The following PTK2 variants were observed in gnomAD, a reference collection of about 807,000 sequenced individuals.
The protein encoded by PTK2 is protein tyrosine kinase 2, also known as focal adhesion kinase 1.
Under a neutral mutation model 150.1 loss-of-function variants are expected in PTK2, and 45 were observed. The observed-to-expected ratio is 0.30, with a 90% CI of 0.24 to 0.38. The LOEUF (loss-of-function observed/expected upper bound fraction) is 0.38, where lower values mean the gene tolerates loss of function less well. Ranked by LOEUF, PTK2 falls within the 10% of genes least tolerant of loss-of-function variation. PTK2 has a pLI of 1.00. For missense variants in PTK2, 919 were observed against 1,307.3 expected, an observed-to-expected ratio of 0.70 and a Z score of 4.58; for synonymous variants, 432 against 449.2, an observed-to-expected ratio of 0.96 and a Z score of 0.48.
intron 1 of PTK2, among the ~76,000 whole-genome samples, chr8:141,000,127 C>CACACACACACACAA (rs58481152): frequency 5.7e-5 from 7 of 123,844 alleles, no homozygotes; most frequent in African/African-American, 2.0e-4. Flanking sequence ...ACACACACAC[C>CACACACACACACAA]CCTTCTTCTA....
intron 22 of PTK2, among the ~76,000 whole-genome samples, chr8:140,723,141 T>C (rs1025747470): frequency 2.0e-5 from 3 of 152,250 alleles, no homozygotes; most frequent in Non-Finnish European, 4.4e-5. Flanking sequence ...ACTGCCTGAA[T>C]GTTTCATTTC....
rs1474448055 is a variant in PTK2, at chr8:140,856,432, TAAATACACTACG to T, written c.450+7868_450+7879del. Among the ~76,000 whole-genome samples the T allele has an allele frequency of 2.7e-4, 41 of 152,274 alleles. 2 individuals are homozygous for T. Among genetic ancestry groups the T allele is most frequent in the African/African-American group, 9.6e-4 (40 of 41,550 alleles). ...AGATGTTCATCAACAGAAAAATGGA[TAAATACACTACG>T]ATATATTTATATAACAGAATACTAC... On this transcript the variant is annotated intron_variant, in intron 5 of 31. Transcript: ENST00000522684.
intron 2 of PTK2, among the ~76,000 whole-genome samples, chr8:140,895,632 T>C (rs1197420661): frequency 7.3e-5 from 11 of 151,626 alleles, no homozygotes; most frequent in South Asian, 2.1e-4. Context: ...CACAGAAAAA[T>C]AGAATGCGTA....
At chr8:140,689,437 G>A (rs754406218) in intron 26 of PTK2, among the ~76,000 whole-genome samples, 10 of 152,236 alleles carry the variant, frequency 6.6e-5, no homozygotes, top group Non-Finnish European at 1.2e-4. Context: ...GGAAACTCAA[G>A]AGATGTGATA....
chr8:140,990,284 G>C (rs1005616694), intron 1 of PTK2, among the ~76,000 whole-genome samples: 1 of 151,356 alleles, frequency 6.6e-6, no homozygotes, highest in Admixed American at 6.6e-5. Flanking sequence ...ACCCAGGTTG[G>C]AGTGTAGTGG....
intron 1 of PTK2, among the ~76,000 whole-genome samples, chr8:140,932,116 G>C (rs1352690645): frequency 6.6e-6 from 1 of 152,074 alleles, no homozygotes; most frequent in Non-Finnish European, 1.5e-5. Flanking sequence ...TCAACCACAT[G>C]ACTCTCAGGG....
intron 11 of PTK2, among the ~76,000 whole-genome samples, chr8:140,803,005 CTTTTTTTTTTTTTTT>C (rs778981723): frequency 2.6e-4 from 20 of 77,348 alleles, no homozygotes; most frequent in Non-Finnish European, 4.1e-4. Context: ...TGATGACAAT[CTTTTTTTTTTTTTTT>C]TTTTTTTTTT....
intron 2 of PTK2, among the ~76,000 whole-genome samples, chr8:140,907,227 T>C (rs1568608497): frequency 6.6e-6 from 1 of 152,250 alleles, no homozygotes; most frequent in Admixed American, 6.5e-5. Context: ...TAGTCCTTTC[T>C]GCCTTCTTCT....
At chr8:140,743,354 A>C in intron 19 of PTK2, 24 bp from the exon 23 acceptor site, 1 of 1,580,132 alleles carries the variant, frequency 6.3e-7, no homozygotes. Flanking sequence ...ATTTGAGACA[A>C]TAAGACTTAA....
intron 14 of PTK2, 187 bp from the exon 17 acceptor site, chr8:140,764,477 A>G (rs4378011): frequency 0.53 from 310,188 of 584,932 alleles, 86,342 homozygotes; most frequent in African/African-American, 0.79. Context: ...ATCATTGTCC[A>G]ATACGTTATA....
At chr8:140,713,109 T>C (rs1218137494) in intron 23 of PTK2, among the ~76,000 whole-genome samples, 1 of 152,268 alleles carries the variant, frequency 6.6e-6, no homozygotes, top group African/African-American at 2.4e-5. Flanking sequence ...TATTTTTCAC[T>C]GCTTCATCAA....
At chr8:140,981,717 T>C (rs138708746) in intron 1 of PTK2, among the ~76,000 whole-genome samples, 1 of 152,230 alleles carries the variant, frequency 6.6e-6, no homozygotes, top group Non-Finnish European at 1.5e-5. Context: ...CTCATTCCTT[T>C]ACATACAGCC....
chr8:140,768,390 T>G (rs1272958262), intron 14 of PTK2, among the ~76,000 whole-genome samples: 1 of 152,236 alleles, frequency 6.6e-6, no homozygotes, highest in African/African-American at 2.4e-5. Flanking sequence ...TACAAGTGTT[T>G]GCAGACATTT....
chr8:140,706,295 A>G, intron 23 of PTK2, 90 bp from the exon 27 acceptor site: 1 of 918,976 alleles, frequency 1.1e-6, no homozygotes, highest in Non-Finnish European at 1.7e-6. Context: ...TTCCTAATAG[A>G]GCTTACTTGA....
chr8:140,721,235 A>G (rs2100042809), intron 22 of PTK2, among the ~76,000 whole-genome samples: 1 of 152,236 alleles, frequency 6.6e-6, no homozygotes, highest in South Asian at 2.1e-4. Flanking sequence ...ACAAAGGAGC[A>G]ACCATGTCTT....
intron 5 of PTK2, among the ~76,000 whole-genome samples, chr8:140,860,037 T>G (rs2100135140): frequency 6.6e-6 from 1 of 152,206 alleles, no homozygotes; most frequent in South Asian, 2.1e-4. Flanking sequence ...TTTAAAAATA[T>G]GCATTTTTTT....
intron 22 of PTK2, among the ~76,000 whole-genome samples, chr8:140,719,188 C>T (rs1290722008): frequency 2.0e-5 from 3 of 151,948 alleles, no homozygotes; most frequent in Non-Finnish European, 2.9e-5. Flanking sequence ...AAAAAAACCC[C>T]CAAAATCACA....
chr8:140,732,437 T>A, intron 22 of PTK2: 1 of 426,312 alleles, frequency 2.3e-6, no homozygotes, highest in African/African-American at 2.2e-5. Context: ...TGGAGATAAT[T>A]TACCTCAGTG....
chr8:140,988,649 A>C (rs2100194314), intron 1 of PTK2, among the ~76,000 whole-genome samples: 1 of 150,572 alleles, frequency 6.6e-6, no homozygotes, highest in African/African-American at 2.4e-5. Context: ...GAATGGCGTG[A>C]ACCCGGGAGG....
Sources: gnomAD v4.1 joint callset for allele counts (sites outside exome capture counted in the v4.1 genomes callset) on GRCh38, gnomAD v4.1.1 for gene constraint, MANE v1.5 for transcripts, NCBI Gene and HGNC (gene_info 2026-07-23, HGNC 2026-07-21) for gene names.